SOBP: variants seen among roughly 807,000 people sequenced by gnomAD.
SOBP encodes sine oculis binding protein homolog, also known as sine oculis-binding protein homolog.
In SOBP, 4 loss-of-function variants were observed where a neutral mutation model predicts 53.6. That is an observed-to-expected ratio of 0.07 (90% CI 0.04 to 0.17). The LOEUF (loss-of-function observed/expected upper bound fraction) is 0.17, where lower values mean the gene tolerates loss of function less well. Among genes scored for constraint, SOBP ranks in the 10% least tolerant of loss-of-function variants. The pLI, the probability that SOBP is intolerant of heterozygous loss-of-function variation, is 1.00. For missense variants in SOBP, 1,088 were observed against 1,204.7 expected, an observed-to-expected ratio of 0.90 and a Z score of 1.43; for synonymous variants, 584 against 522.6, an observed-to-expected ratio of 1.12 and a Z score of -1.60.
intron 1 of SOBP, among the ~76,000 whole-genome samples, chr6:107,492,464 CAT>C (rs963455177): frequency 3.9e-5 from 6 of 152,168 alleles, no homozygotes; most frequent in Admixed American, 6.5e-5. Flanking sequence ...TTAATCAAAA[CAT>C]GTGAAATGTT....
At chr6:107,542,760 T>C (rs974772447) in intron 4 of SOBP, among the ~76,000 whole-genome samples, 1 of 151,582 alleles carries the variant, frequency 6.6e-6, no homozygotes, top group African/African-American at 2.4e-5. Flanking sequence ...TTTTTTTGTG[T>C]GTTTTGTTTT....
chr6:107,596,658 TG>T (rs1371460495), intron 5 of SOBP, among the ~76,000 whole-genome samples: 1 of 152,236 alleles, frequency 6.6e-6, no homozygotes, highest in Admixed American at 6.5e-5. Context: ...TCCAGAAAAT[TG>T]CTTTTTGTTC....
chr6:107,571,247 C>G (rs1785065536), intron 4 of SOBP, among the ~76,000 whole-genome samples: 1 of 152,142 alleles, frequency 6.6e-6, no homozygotes, highest in African/African-American at 2.4e-5. Flanking sequence ...TGCTTGGTGA[C>G]AGGTGAGGAT....
intron 4 of SOBP, among the ~76,000 whole-genome samples, chr6:107,556,865 G>A (rs978793047): frequency 6.6e-6 from 1 of 152,216 alleles, no homozygotes. Context: ...TCAGGTGACT[G>A]ATGAAAGAGA....
At chr6:107,579,938 G>A (rs1785352085) in intron 4 of SOBP, among the ~76,000 whole-genome samples, 1 of 152,190 alleles carries the variant, frequency 6.6e-6, no homozygotes, top group Admixed American at 6.5e-5. Flanking sequence ...GCCAGTTAAG[G>A]AGGATGGAGA....
intron 5 of SOBP, among the ~76,000 whole-genome samples, chr6:107,597,253 G>T (rs1785978973): frequency 6.6e-6 from 1 of 152,180 alleles, no homozygotes. Flanking sequence ...CCCTTCATTA[G>T]ATAGCTATTT....
At chr6:107,655,089 C>T (rs2114255915) in intron 6 of SOBP, among the ~76,000 whole-genome samples, 1 of 151,896 alleles carries the variant, frequency 6.6e-6, no homozygotes, top group South Asian at 2.1e-4. Context: ...GTAGTAATTT[C>T]CCCTTTGCAC....
Position 107,503,639 on chromosome 6 carries a change from C to G in SOBP, c.97-18C>G, listed in dbSNP as rs757306109. ...TATTGATTATAGAAATAAGTAGTAG[C>G]CTATGCTTCTCTTTCAGAACTTTGC... is the stretch of plus-strand genomic sequence containing the variant. On this transcript the variant is annotated intron_variant, in intron 1 of 6. Transcript: ENST00000317357. The G allele has an allele frequency of 3.1e-6, 5 of 1,613,586 alleles. No individual in the cohort carries two copies. The Middle Eastern group carries it at 6.6e-4, about 214-fold the overall frequency.
chr6:107,593,181 T>C (rs937325423), intron 5 of SOBP, among the ~76,000 whole-genome samples: 9 of 152,144 alleles, frequency 5.9e-5, no homozygotes, highest in Admixed American at 2.0e-4. Context: ...GTTGACCATC[T>C]CCCCTCCTTT....
chr6:107,648,545 A>G, intron 6 of SOBP, among the ~76,000 whole-genome samples: 1 of 148,984 alleles, frequency 6.7e-6, no homozygotes, highest in Non-Finnish European at 1.5e-5. Context: ...TTTTTTTCTT[A>G]TGAAAAACTT....
chr6:107,558,192 A>G (rs1400179627), intron 4 of SOBP: 1 of 152,162 alleles, frequency 6.6e-6, no homozygotes, highest in African/African-American at 2.4e-5. Context: ...ATTGTCCAAG[A>G]AATCAACTTC....
intron 5 of SOBP, among the ~76,000 whole-genome samples, chr6:107,609,401 C>T (rs1216288163): frequency 6.6e-6 from 1 of 152,034 alleles, no homozygotes; most frequent in African/African-American, 2.4e-5. Context: ...TAATAATAGC[C>T]CTTATAGACA....
chr6:107,554,358 A>G (rs909865546), intron 4 of SOBP, among the ~76,000 whole-genome samples: 2 of 152,186 alleles, frequency 1.3e-5, no homozygotes, highest in Non-Finnish European at 1.5e-5. Flanking sequence ...TTCCATTTGC[A>G]TTACAGAGAC....
intron 5 of SOBP, among the ~76,000 whole-genome samples, chr6:107,596,477 G>T (rs1397329041): frequency 6.6e-6 from 1 of 152,220 alleles, no homozygotes; most frequent in Non-Finnish European, 1.5e-5. Flanking sequence ...GTGAGGCAGG[G>T]TAGAGGTTGG....
At chr6:107,578,330 A>G (rs182486687) in intron 4 of SOBP, among the ~76,000 whole-genome samples, 2 of 151,830 alleles carry the variant, frequency 1.3e-5, no homozygotes, top group African/African-American at 4.8e-5. Flanking sequence ...TGCTAAAACC[A>G]AAGAAAATTT....
intron 4 of SOBP, 65 bp downstream of exon 4, chr6:107,533,675 CATAGCTTCTAGCGGAA>C: frequency 1.2e-6 from 2 of 1,600,160 alleles, no homozygotes; most frequent in Non-Finnish European, 1.7e-6. Context: ...GCATGTGCCT[CATAGCTTCTAGCGGAA>C]AACACTGCGC....
At chr6:107,531,991 C>T (rs145502710) in intron 3 of SOBP, among the ~76,000 whole-genome samples, 1 of 152,164 alleles carries the variant, frequency 6.6e-6, no homozygotes, top group East Asian at 1.9e-4. Context: ...TGCCTCAAAC[C>T]AAATCTTTTC....
At chr6:107,601,751 G>A (rs920493043) in intron 5 of SOBP, among the ~76,000 whole-genome samples, 1 of 152,100 alleles carries the variant, frequency 6.6e-6, no homozygotes, top group Non-Finnish European at 1.5e-5. Context: ...TTTTGAAATG[G>A]AACTATGCAA....
At chr6:107,646,626 G>A (rs556433017) in intron 6 of SOBP, among the ~76,000 whole-genome samples, 3 of 152,318 alleles carry the variant, frequency 2.0e-5, no homozygotes, top group African/African-American at 7.2e-5. Flanking sequence ...AGACATCTCC[G>A]GAGATTTTCT....
Sources: allele counts gnomAD v4.1 joint callset (sites outside exome capture counted in the v4.1 genomes callset), GRCh38; gene constraint gnomAD v4.1.1; transcripts MANE v1.5; gene names NCBI Gene and HGNC (gene_info 2026-07-23, HGNC 2026-07-21).